PDE7B: variants seen among roughly 807,000 people sequenced by gnomAD.
PDE7B encodes 3',5'-cyclic-AMP phosphodiesterase 7B.
A neutral mutation model predicts 56.2 loss-of-function variants in PDE7B; 29 were observed. The ratio of observed to expected loss-of-function variants is 0.52; its 90% CI spans 0.38 to 0.70. The LOEUF (loss-of-function observed/expected upper bound fraction) is 0.70. PDE7B is among the 30% of genes least tolerant of loss of function. The probability of loss-of-function intolerance (pLI) is 0.00; values close to 1 mark genes in which losing one functional copy is unlikely to be tolerated. For synonymous variants in PDE7B, 197 were observed against 196.9 expected, an observed-to-expected ratio of 1.00 and a Z score of 0.00; for missense variants, 490 against 565.0, an observed-to-expected ratio of 0.87 and a Z score of 1.35.
At position 135,860,167 on chromosome 6, in the gene PDE7B, C is replaced by G. The variant is rs548213479; in HGVS notation, c.21+8148C>G. On this transcript the variant is annotated intron_variant, in intron 1 of 12. Coordinates refer to ENST00000308191, the MANE Select transcript of PDE7B (RefSeq NM_018945.4). ...ACTTTCTAGAACATTCCTGTTAGAT[C>G]GGGATTTGTTATGCCCACTTTAAAG... 1.8e-4 allele frequency among the ~76,000 whole-genome samples: 27 copies of G among 152,056 alleles called. No homozygotes were observed. The East Asian group carries it at 3.5e-3, about 20-fold the overall frequency.
At chr6:136,152,692 C>T (rs1778539996) in intron 6 of PDE7B, among the ~76,000 whole-genome samples, 1 of 152,188 alleles carries the variant, frequency 6.6e-6, no homozygotes, top group Non-Finnish European at 1.5e-5. Flanking sequence ...AATGACTTTC[C>T]TCTGCCATTT....
At chr6:136,150,385 A>G (rs1469219739) in intron 5 of PDE7B, among the ~76,000 whole-genome samples, 1 of 152,124 alleles carries the variant, frequency 6.6e-6, no homozygotes, top group East Asian at 1.9e-4. Context: ...TGATTTTTGT[A>G]TATGGTGAGA....
chr6:135,881,168 G>A (rs1481418101), intron 1 of PDE7B, among the ~76,000 whole-genome samples: 1 of 151,926 alleles, frequency 6.6e-6, no homozygotes, highest in Non-Finnish European at 1.5e-5. Context: ...ATATCTTTGA[G>A]ACTCAGAAAC....
chr6:135,878,206 C>G (rs1775536715), intron 1 of PDE7B, among the ~76,000 whole-genome samples: 1 of 152,040 alleles, frequency 6.6e-6, no homozygotes, highest in South Asian at 2.1e-4. Flanking sequence ...TGCTATGGTT[C>G]TTAGAAATTT....
At chr6:136,139,657 C>T (rs1778282703) in intron 3 of PDE7B, among the ~76,000 whole-genome samples, 1 of 152,186 alleles carries the variant, frequency 6.6e-6, no homozygotes, top group Non-Finnish European at 1.5e-5. Flanking sequence ...TTAACTATCG[C>T]CATTCTAACT....
chr6:135,959,513 A>G (rs1483034578), intron 2 of PDE7B, among the ~76,000 whole-genome samples: 1 of 152,184 alleles, frequency 6.6e-6, no homozygotes, highest in Non-Finnish European at 1.5e-5. Context: ...AATTAGCATC[A>G]TATTCCTGAA....
In PDE7B at chr6:135,970,741, G is replaced by T. The variant is rs189635028; in HGVS notation, c.82+23217G>T. 2.2e-4 allele frequency among the ~76,000 whole-genome samples: 33 copies of T among 152,262 alleles called. No homozygotes were observed. The East Asian group carries it at 5.6e-3, about 26-fold the overall frequency. Reference sequence around the variant, plus strand: ...CTTTTGTATGGAAAATAGATTCTACGTGGGCACTGGGAAAGAACTACGACA... The same window carrying T: ...CTTTTGTATGGAAAATAGATTCTACTTGGGCACTGGGAAAGAACTACGACA... On this transcript the variant is annotated intron_variant, in intron 2 of 12. Transcript: ENST00000308191.
Position 136,037,767 on chromosome 6 carries a change from T to C in PDE7B, c.83-70964T>C, listed in dbSNP as rs552303669. 2.1e-5 allele frequency: 21 copies of C among 985,444 alleles called. No homozygotes were observed. The African/African-American group carries it at 3.5e-4, about 16-fold the overall frequency. 61.0% of individuals were successfully genotyped at this position (985,444 alleles called of 1,614,324 possible). A position where few individuals can be genotyped will look rare whatever the true frequency, so the allele number is the denominator to read the frequency against. ...AGCCCCGCTTCTTTGCCTGAAGTCC[T>C]TAAGAGCTAAGCCGACAAAGAGCTA... On this transcript the variant is annotated intron_variant, in intron 2 of 12. Coordinates refer to ENST00000308191, the MANE Select transcript of PDE7B (RefSeq NM_018945.4).
At chr6:136,190,634 C>T (rs1779207376) in intron 12 of PDE7B, among the ~76,000 whole-genome samples, 1 of 152,136 alleles carries the variant, frequency 6.6e-6, no homozygotes, top group Non-Finnish European at 1.5e-5. Context: ...TGAAAGCTAT[C>T]TTTTCATAAT....
intron 12 of PDE7B, 34 bp downstream of exon 12, chr6:136,187,150 A>G: frequency 2.0e-6 from 2 of 1,005,892 alleles, no homozygotes; most frequent in Non-Finnish European, 3.1e-6. Context: ...CCAAATAAAT[A>G]CCTTTGGCAC....
chr6:136,073,977 G>A (rs141997193), intron 2 of PDE7B, among the ~76,000 whole-genome samples: 365 of 152,156 alleles, frequency 2.4e-3, no homozygotes, highest in Non-Finnish European at 4.0e-3. Flanking sequence ...TAATTCCTTC[G>A]TGGAGAATTT....
chr6:136,058,381 G>A (rs1056276239), intron 2 of PDE7B, among the ~76,000 whole-genome samples: 3 of 152,120 alleles, frequency 2.0e-5, no homozygotes, highest in Non-Finnish European at 4.4e-5. Flanking sequence ...GTCCAAAGGA[G>A]GCTGAAAATA....
At chr6:135,899,606 C>T (rs1160658936) in intron 1 of PDE7B, among the ~76,000 whole-genome samples, 2 of 151,652 alleles carry the variant, frequency 1.3e-5, no homozygotes, top group South Asian at 2.1e-4. Context: ...TTTATATACT[C>T]GTCTGTTTTC....
intron 3 of PDE7B, among the ~76,000 whole-genome samples, chr6:136,124,540 T>C (rs1777989499): frequency 6.6e-6 from 1 of 152,222 alleles, no homozygotes; most frequent in African/African-American, 2.4e-5. Flanking sequence ...GTTTCAGTCA[T>C]CTAGTCCATA....
intron 8 of PDE7B, among the ~76,000 whole-genome samples, chr6:136,164,360 G>A (rs1180153784): frequency 6.6e-6 from 1 of 152,064 alleles, no homozygotes; most frequent in African/African-American, 2.4e-5. Flanking sequence ...CTCTCACCGG[G>A]TCCCTCCTGT....
chr6:136,062,610 C>G (rs1282964750), intron 2 of PDE7B, among the ~76,000 whole-genome samples: 1 of 152,084 alleles, frequency 6.6e-6, no homozygotes, highest in East Asian at 1.9e-4. Flanking sequence ...AATGTCAGGA[C>G]AGATGTCAGG....
intron 1 of PDE7B, among the ~76,000 whole-genome samples, chr6:135,925,202 T>C (rs1393743165): frequency 1.3e-5 from 2 of 152,156 alleles, no homozygotes; most frequent in African/African-American, 4.8e-5. Flanking sequence ...TTATGTTCCC[T>C]AACTGCCAAG....
At chr6:135,915,295 A>T (rs1020970496) in intron 1 of PDE7B, among the ~76,000 whole-genome samples, 1 of 152,150 alleles carries the variant, frequency 6.6e-6, no homozygotes, top group Non-Finnish European at 1.5e-5. Flanking sequence ...CTCTTGAATA[A>T]ATTCTTCGGA....
chr6:136,037,534 G>C, intron 2 of PDE7B: 1 of 985,444 alleles, frequency 1.0e-6, no homozygotes, highest in Non-Finnish European at 1.2e-6. Context: ...TGGTGACTGG[G>C]CAAGGTGCCC....
Sources: allele counts gnomAD v4.1 joint callset (sites outside exome capture counted in the v4.1 genomes callset), GRCh38; gene constraint gnomAD v4.1.1; transcripts MANE v1.5; gene names NCBI Gene and HGNC (gene_info 2026-07-23, HGNC 2026-07-21).